SHCBP1L: variants seen among roughly 807,000 people sequenced by gnomAD.
SHCBP1L encodes SHC binding and spindle associated 1 like.
SHCBP1L carries 67 observed loss-of-function variants against 62.5 expected under a neutral mutation model. The observed-to-expected ratio is 1.07, with a 90% CI of 0.88 to 1.31. The LOEUF (loss-of-function observed/expected upper bound fraction) is 1.31, where lower values mean the gene tolerates loss of function less well. SHCBP1L is among the 40% of genes most tolerant of loss of function. SHCBP1L has a pLI of 0.00. For synonymous variants in SHCBP1L, 284 were observed against 289.4 expected, an observed-to-expected ratio of 0.98 and a Z score of 0.19; for missense variants, 823 against 809.8, an observed-to-expected ratio of 1.02 and a Z score of -0.20.
At chr1:182,918,247 C>CATATATATACACATATATAT (rs1650423694) in intron 6 of SHCBP1L, among the ~76,000 whole-genome samples, 1 of 147,574 alleles carries the variant, frequency 6.8e-6, no homozygotes, top group African/African-American at 2.5e-5. Context: ...CATATATATA[C>CATATATATACACATATATAT]ACACATATAT....
At chr1:182,926,936 T>G (rs1406099661) in intron 6 of SHCBP1L, among the ~76,000 whole-genome samples, 1 of 151,238 alleles carries the variant, frequency 6.6e-6, no homozygotes, top group Non-Finnish European at 1.5e-5. Context: ...ATTTTACATA[T>G]GAGAAACTAA....
chr1:182,948,273 G>A (rs894288880), intron 2 of SHCBP1L, among the ~76,000 whole-genome samples: 2 of 152,152 alleles, frequency 1.3e-5, no homozygotes, highest in African/African-American at 4.8e-5. Context: ...CCCCAAAGAC[G>A]TCCATTCCCT....
At chr1:182,921,461 G>T (rs1650525551) in intron 6 of SHCBP1L, among the ~76,000 whole-genome samples, 1 of 152,166 alleles carries the variant, frequency 6.6e-6, no homozygotes, top group African/African-American at 2.4e-5. Flanking sequence ...ATAACAACGA[G>T]CTAATAGGTT....
intron 6 of SHCBP1L, among the ~76,000 whole-genome samples, chr1:182,907,562 C>T (rs182682163): frequency 2.0e-5 from 3 of 149,156 alleles, no homozygotes; most frequent in African/African-American, 7.4e-5. Context: ...CTTTCTTATT[C>T]TTATTATTAT....
intron 2 of SHCBP1L, among the ~76,000 whole-genome samples, chr1:182,947,054 T>C (rs1353992626): frequency 6.6e-6 from 1 of 151,974 alleles, no homozygotes; most frequent in East Asian, 1.9e-4. Context: ...CTCGGCAACA[T>C]GGTGAAACCT....
At chr1:182,930,481 T>C (rs1322396109) in intron 5 of SHCBP1L, among the ~76,000 whole-genome samples, 1 of 147,394 alleles carries the variant, frequency 6.8e-6, no homozygotes, top group Non-Finnish European at 1.5e-5. Context: ...CTCTTTAGTG[T>C]AATCTTTTGC....
At chr1:182,910,152 A>G (rs1650134045) in intron 6 of SHCBP1L, among the ~76,000 whole-genome samples, 1 of 152,224 alleles carries the variant, frequency 6.6e-6, no homozygotes, top group Admixed American at 6.5e-5. Flanking sequence ...CTTCCACTGA[A>G]GCAAACATTA....
intron 6 of SHCBP1L, among the ~76,000 whole-genome samples, chr1:182,922,262 A>G (rs1422108426): frequency 6.6e-6 from 1 of 152,066 alleles, no homozygotes; most frequent in East Asian, 1.9e-4. Context: ...ATTAAGAAAG[A>G]TGTTTGAGAC....
At position 182,905,627 on chromosome 1, in the gene SHCBP1L, G is replaced by A; in HGVS notation, c.1205C>T (p.Thr402Ile). ...CAAATCACCATGCTGTTGGAGAAGT[G>A]TGTCTGAAGATAAATCCTTTATCTA... ...TEMIKDLSSD[T>I]LLQQHGDLDL... is the part of the protein sequence containing the mutation. Residue 402 changes from threonine to isoleucine, a missense_variant, in exon 7 of 10, where the codon ACA becomes ATA. Thr to Ile is a moderately conservative substitution (Grantham distance 89). Coordinates refer to ENST00000367547, the MANE Select transcript of SHCBP1L (RefSeq NM_030933.4). The A allele has an allele frequency of 6.2e-7, 1 of 1,613,450 alleles. No homozygotes were observed. The highest frequency in any genetic ancestry group is 8.5e-7 in the Non-Finnish European group (1 of 1,179,748).
intron 2 of SHCBP1L, among the ~76,000 whole-genome samples, chr1:182,941,524 C>T (rs1651365508): frequency 6.6e-6 from 1 of 151,916 alleles, no homozygotes; most frequent in Non-Finnish European, 1.5e-5. Flanking sequence ...TACATACAGC[C>T]CACCAGTTCA....
intron 5 of SHCBP1L, among the ~76,000 whole-genome samples, chr1:182,935,997 G>A (rs530516605): frequency 6.6e-5 from 10 of 152,010 alleles, no homozygotes; most frequent in African/African-American, 2.4e-4. Flanking sequence ...TACATTTACA[G>A]TTATTTTGAC....
At chr1:182,919,201 T>G (rs1288228677) in intron 6 of SHCBP1L, among the ~76,000 whole-genome samples, 3 of 152,214 alleles carry the variant, frequency 2.0e-5, no homozygotes, top group Non-Finnish European at 4.4e-5. Context: ...GTGTAATTTA[T>G]AAAATAAATT....
intron 5 of SHCBP1L, among the ~76,000 whole-genome samples, chr1:182,930,543 G>C (rs1335131094): frequency 1.7e-5 from 1 of 59,978 alleles, no homozygotes; most frequent in African/African-American, 1.4e-4. Context: ...TGTGGCTTTA[G>C]TGTGTGTGTA....
chr1:182,932,460 G>A (rs2101944837), intron 5 of SHCBP1L, among the ~76,000 whole-genome samples: 1 of 145,794 alleles, frequency 6.9e-6, no homozygotes, highest in South Asian at 2.2e-4. Context: ...AATTTTTTAT[G>A]GAATTTTATT....
At position 182,953,146 on chromosome 1, in the gene SHCBP1L, C is replaced by G; in HGVS notation, c.-13G>C. The G allele has an allele frequency of 5.1e-6, 8 of 1,575,358 alleles. No homozygotes were observed. The highest frequency in any genetic ancestry group is 6.8e-6 in the Non-Finnish European group (8 of 1,169,106). On this transcript the variant is annotated 5_prime_UTR_variant, in exon 1 of 10. Transcript: ENST00000367547. ...AGCCCGACGCCATCTCCTCAGCAGC[C>G]CGAGGGCCGAGGCAGCCGTTGGCCA... is the stretch of plus-strand genomic sequence containing the variant.
At position 182,924,764 on chromosome 1, in the gene SHCBP1L, GAAAGAAAGAAAGAAAGAAAGAA is replaced by G. The variant is rs1557996740; in HGVS notation, c.1182+4861_1182+4882del. On this transcript the variant is annotated intron_variant, in intron 6 of 9. Coordinates refer to ENST00000367547, the MANE Select transcript of SHCBP1L (RefSeq NM_030933.4). ...AGAAAGAAAGAAAGAAAGAAAGAAA[GAAAGAAAGAAAGAAAGAAAGAA>G]AGAGAGAAAGAAAGGAAGGAAGGAA... 1.1e-4 allele frequency among the ~76,000 whole-genome samples: 10 copies of G among 91,148 alleles called. No individual in the cohort carries two copies. In the East Asian group the frequency reaches 3.1e-3, roughly 28 times the overall value. 59.8% of individuals were successfully genotyped at this position (91,148 alleles called of 152,430 possible).
At chr1:182,904,555 GT>G in intron 7 of SHCBP1L, 125 bp from the exon 8 acceptor site, 1 of 859,950 alleles carries the variant, frequency 1.2e-6, no homozygotes, top group South Asian at 1.7e-5. Context: ...GTGTGTGTGT[GT>G]GTGTGTGTGT....
chr1:182,911,105 G>A (rs530541634), intron 6 of SHCBP1L, among the ~76,000 whole-genome samples: 31 of 152,208 alleles, frequency 2.0e-4, no homozygotes, highest in South Asian at 4.1e-4. Flanking sequence ...GGCCAGGCTG[G>A]TCTCAAACTC....
intron 6 of SHCBP1L, among the ~76,000 whole-genome samples, chr1:182,912,313 TA>T: frequency 6.6e-6 from 1 of 152,246 alleles, no homozygotes; most frequent in African/African-American, 2.4e-5. Flanking sequence ...CATAAATAAA[TA>T]AACTGGGTTC....
Sources: allele counts gnomAD v4.1 joint callset (sites outside exome capture counted in the v4.1 genomes callset), GRCh38; gene constraint gnomAD v4.1.1; transcripts MANE v1.5; gene names NCBI Gene and HGNC (gene_info 2026-07-23, HGNC 2026-07-21).